SART1: variants seen among roughly 807,000 people sequenced by gnomAD.
SART1 encodes U4/U6.U5 tri-snRNP-associated protein 1.
In SART1, 28 loss-of-function variants were observed where a neutral mutation model predicts 105.0. The ratio of observed to expected loss-of-function variants is 0.27; its 90% confidence interval spans 0.20 to 0.37. The LOEUF (loss-of-function observed/expected upper bound fraction) is 0.37. Among genes scored for constraint, SART1 ranks in the 10% least tolerant of loss-of-function variants. The probability of loss-of-function intolerance (pLI) is 1.00; values close to 1 mark genes in which losing one functional copy is unlikely to be tolerated. For synonymous variants in SART1, 472 were observed against 462.9 expected, an observed-to-expected ratio of 1.02 and a Z score of -0.25; for missense variants, 894 against 1,106.5, an observed-to-expected ratio of 0.81 and a Z score of 2.72.
Position 65,978,049 on chromosome 11 carries a change from G to A in SART1, c.2172+150G>A, listed in dbSNP as rs1285157220. On this transcript the variant is annotated intron_variant, in intron 17 of 19. Transcript: ENST00000312397. The surrounding 1 kb of genome is among the most constrained non-coding windows in gnomAD (Gnocchi z 6.8). ...CTGGTGAATGCCACGGATGGGGAGG[G>A]GGCCCTCAGGGCTGAGGAAGGCTGT... 1.3e-5 allele frequency: 10 copies of A among 779,014 alleles called. No individual in the cohort carries two copies. The highest frequency in any genetic ancestry group is 4.1e-6 in the Non-Finnish European group (2 of 492,500). 48.3% of individuals were successfully genotyped at this position (779,014 alleles called of 1,614,324 possible). A position where few individuals can be genotyped will look rare whatever the true frequency, so the allele number is the denominator to read the frequency against.
In SART1 at chr11:65,967,498, G is replaced by A; in HGVS notation, c.1341G>A (p.Val447=). The part of the protein sequence containing the change: ...SRLRGRGRRR[V]SEVEEEKEPV... ...TGCGGGGACGGGGTCGCCGCCGAGT[G>A]TCCGAAGTGGAGGAGGAGAAGGAGC... The change falls in exon 11 of 20, where the codon GTG becomes GTA. Residue 447 remains valine, a synonymous_variant. Coordinates refer to ENST00000312397, the MANE Select transcript of SART1 (RefSeq NM_005146.5). The A allele has an allele frequency of 6.2e-7, 1 of 1,613,232 alleles. No individual in the cohort carries two copies. The highest frequency in any genetic ancestry group is 8.5e-7 in the Non-Finnish European group (1 of 1,179,956).
At chr11:65,975,917 A>G (rs974794148) in intron 12 of SART1, among the ~76,000 whole-genome samples, 2 of 152,000 alleles carry the variant, frequency 1.3e-5, no homozygotes, top group South Asian at 2.1e-4. Context: ...TTCTCTTCCC[A>G]TGTCACGGAA....
chr11:65,966,098 C>T lies in SART1; in HGVS notation c.861C>T (p.Asp287=), dbSNP rs373665639. ...CAGGCGTGCTGCAGGAGGAGGAGGA[C>T]GTGCTGGTGAACGTGAACCTGGTGG... ...KDKGVLQEEE[D]VLVNVNLVDK... Residue 287 remains aspartate (D), a synonymous_variant, in exon 8 of 20, where the codon GAC becomes GAT. Coordinates refer to ENST00000312397, the MANE Select transcript of SART1 (RefSeq NM_005146.5). The T allele has an allele frequency of 4.3e-4, 686 of 1,613,918 alleles. No homozygotes were observed. The highest frequency in any genetic ancestry group is 5.2e-4 in the Non-Finnish European group (610 of 1,179,982).
At position 65,976,629 on chromosome 11, in the gene SART1, G is replaced by A. The variant is rs746488637; in HGVS notation, c.1747-27G>A. 3.2e-5 allele frequency: 51 copies of A among 1,613,264 alleles called. No homozygotes were observed. Among genetic ancestry groups the A allele is most frequent in the Non-Finnish European group, 4.3e-5 (51 of 1,179,794 alleles). ...GGCTGGGTGGGCTGGCTGGGGCCTGGGCCGACCCTGGTCTTTTGTGCCCCA... is the reference window on the plus strand; with the variant it reads ...GGCTGGGTGGGCTGGCTGGGGCCTGAGCCGACCCTGGTCTTTTGTGCCCCA... On this transcript the variant is annotated intron_variant, in intron 13 of 19. Coordinates refer to ENST00000312397, the MANE Select transcript of SART1 (RefSeq NM_005146.5). The surrounding 1 kb of genome is among the most constrained non-coding windows in gnomAD (Gnocchi z 5.1).
At position 65,966,071 on chromosome 11, in the gene SART1, C is replaced by T. The variant is rs772487038; in HGVS notation, c.839-5C>T. ...TGAATGGCCACTGCTCTGTGCTGCCCCCAGGCGTGCTGCAGGAGGAGGAGG... is the reference window on the plus strand; with the variant it reads ...TGAATGGCCACTGCTCTGTGCTGCCTCCAGGCGTGCTGCAGGAGGAGGAGG... On this transcript the variant is annotated splice_region_variant and splice_polypyrimidine_tract_variant and intron_variant, in intron 7 of 19. Coordinates refer to ENST00000312397, the MANE Select transcript of SART1 (RefSeq NM_005146.5). 3 of 1,613,836 alleles carry T rather than the reference C, an allele frequency of 1.9e-6. No individual in the cohort carries two copies. The highest frequency in any genetic ancestry group is 1.7e-5 in the Admixed American group (1 of 60,002).
Position 65,979,993 on chromosome 11 carries a change from G to A in SART1, c.*963G>A, listed in dbSNP as rs1272359062. 6.6e-6 allele frequency among the ~76,000 whole-genome samples: 1 copy of A among 152,030 alleles called. No homozygotes were observed. The highest frequency in any genetic ancestry group is 2.4e-5 in the African/African-American group (1 of 41,392). ...CCAGGCGTGGTGGTGAGCGCCTGTAGTCCCAGCTACTTGGGATGCTGAGGT... is the reference window on the plus strand; with the variant it reads ...CCAGGCGTGGTGGTGAGCGCCTGTAATCCCAGCTACTTGGGATGCTGAGGT... On this transcript the variant is annotated 3_prime_UTR_variant, in exon 20 of 20. Coordinates refer to ENST00000312397, the MANE Select transcript of SART1 (RefSeq NM_005146.5).
At position 65,964,120 on chromosome 11, in the gene SART1, C is replaced by G. The variant is rs61746328; in HGVS notation, c.360C>G (p.Ile120Met). Reference sequence around the variant, plus strand: ...CAGGCGATGCCTCCTCACTCAGCATCGAGGAGACTAAGTGAGTACTGTCTC... The same window carrying G: ...CAGGCGATGCCTCCTCACTCAGCATGGAGGAGACTAAGTGAGTACTGTCTC... ...TSSGDASSLS[I>M]EETNKLRAKL... The change falls in exon 2 of 20, where the codon ATC (isoleucine) becomes ATG (methionine). Residue 120 changes from isoleucine (I) to methionine (M), a missense_variant. Transcript: ENST00000312397. 1.8e-4 allele frequency: 287 copies of G among 1,612,946 alleles called. No homozygotes were observed. The highest frequency in any genetic ancestry group is 3.5e-5 in the Non-Finnish European group (41 of 1,179,918).
At chr11:65,966,299 T>G in intron 8 of SART1, 51 bp from the exon 9 acceptor site, 2 of 1,613,774 alleles carry the variant, frequency 1.2e-6, no homozygotes, top group South Asian at 2.2e-5. Context: ...GGTGGCTCAG[T>G]GGCTTTTCAG....
At position 65,977,845 on chromosome 11, in the gene SART1, C is replaced by T. The variant is rs768170253; in HGVS notation, c.2118C>T (p.Pro706=). Residue 706 remains proline, a synonymous_variant, in exon 17 of 20, where the codon CCC becomes CCT. Transcript: ENST00000312397. ...TCAAGGAGAAGGACGGCTACAAACC[C>T]GACGTTAAGATCGAATACGTGGATG... ...QDFKEKDGYK[P]DVKIEYVDET... 19 of 1,613,926 alleles carry T rather than the reference C, an allele frequency of 1.2e-5. No individual in the cohort carries two copies. The highest frequency in any genetic ancestry group is 4.5e-5 in the East Asian group (2 of 44,790).
Position 65,976,573 on chromosome 11 carries a change from G to C in SART1, c.1746+5G>C, listed in dbSNP as rs372244872. 19 of 1,613,136 alleles carry C rather than the reference G, an allele frequency of 1.2e-5. 1 individual carries two copies. In the South Asian group the frequency reaches 2.0e-4, roughly 17 times the overall value. On this transcript the variant is annotated splice_donor_5th_base_variant and intron_variant, in intron 13 of 19. Transcript: ENST00000312397. This position sits in a 1 kb window ranked among gnomAD's most constrained non-coding sequence, Gnocchi z 5.1. ...GAGGAGCAGGAGGAGCTCATGGTGCGTCTGGGGCGGCCCCGCCCTCTGCTT... is the reference window on the plus strand; with the variant it reads ...GAGGAGCAGGAGGAGCTCATGGTGCCTCTGGGGCGGCCCCGCCCTCTGCTT...
intron 12 of SART1, among the ~76,000 whole-genome samples, chr11:65,969,347 G>A (rs1211251461): frequency 6.6e-6 from 1 of 152,196 alleles, no homozygotes; most frequent in African/African-American, 2.4e-5. Flanking sequence ...CAGAGAAATG[G>A]AGCAATAGGC....
chr11:65,964,612 A>G (rs748925795), intron 3 of SART1, 42 bp downstream of exon 3: 3 of 1,573,082 alleles, frequency 1.9e-6, no homozygotes, highest in African/African-American at 1.4e-5. Context: ...GAAAGAGGCC[A>G]TCTGAAGGGG....
chr11:65,968,737 G>A (rs147646312), intron 12 of SART1, among the ~76,000 whole-genome samples: 1 of 152,168 alleles, frequency 6.6e-6, no homozygotes, highest in Admixed American at 6.5e-5. Flanking sequence ...GTGCCTGAGG[G>A]CCAGGGAGGC....
chr11:65,965,232 G>T lies in SART1; in HGVS notation c.554+14G>T. On this transcript the variant is annotated intron_variant, in intron 4 of 19. Transcript: ENST00000312397. ...CCAAAAGCTGGGGTGAGGGGTCCTGGCCAGGGCAGGCAAGGGAAGGGCTGG... is the reference window on the plus strand; with the variant it reads ...CCAAAAGCTGGGGTGAGGGGTCCTGTCCAGGGCAGGCAAGGGAAGGGCTGG... 1 of 1,609,058 alleles carries T rather than the reference G, an allele frequency of 6.2e-7. No individual in the cohort carries two copies.
At chr11:65,972,999 T>C (rs1252397470) in intron 12 of SART1, among the ~76,000 whole-genome samples, 5 of 151,754 alleles carry the variant, frequency 3.3e-5, no homozygotes, top group African/African-American at 1.2e-4. Flanking sequence ...TGAAACCCTG[T>C]CTCTACTAAA....
chr11:65,973,820 CAG>C (rs890100922), intron 12 of SART1, among the ~76,000 whole-genome samples: 10 of 152,194 alleles, frequency 6.6e-5, no homozygotes, highest in Non-Finnish European at 7.3e-5. Flanking sequence ...GGGTTACTCT[CAG>C]GGGCACAGAT....
chr11:65,965,678 A>G (rs767157332), intron 5 of SART1, 24 bp from the exon 6 acceptor site: 2 of 1,608,736 alleles, frequency 1.2e-6, no homozygotes, highest in Non-Finnish European at 1.7e-6. Context: ...CTGAAGTCCT[A>G]GGTCACCCCT....
rs1855491489 is a variant in SART1, at chr11:65,976,849, GCCT to G, written c.1857+88_1857+90del. The G allele has an allele frequency of 4.7e-6, 6 of 1,273,532 alleles. No homozygotes were observed. In the African/African-American group the frequency reaches 5.9e-5, roughly 13 times the overall value. 78.9% of individuals were successfully genotyped at this position (1,273,532 alleles called of 1,614,324 possible). A position where few individuals can be genotyped will look rare whatever the true frequency, so the allele number is the denominator to read the frequency against. On this transcript the variant is annotated intron_variant, in intron 14 of 19. Transcript: ENST00000312397. The surrounding 1 kb of genome is among the most constrained non-coding windows in gnomAD (Gnocchi z 5.1). ...ACCGGGCTCGGTGTCCAGAGCCTCA[GCCT>G]CCTCATCCAGAGTGGGCTCTGCAGA...
At chr11:65,967,114 C>G (rs1855275286) in intron 9 of SART1, 145 bp from the exon 10 acceptor site, 8 of 1,197,984 alleles carry the variant, frequency 6.7e-6, no homozygotes, top group Non-Finnish European at 9.3e-6. Flanking sequence ...GAGATAGTAA[C>G]CACCCCACAT....
Sources: allele counts gnomAD v4.1 joint callset (sites outside exome capture counted in the v4.1 genomes callset), GRCh38; gene constraint gnomAD v4.1.1; non-coding constraint Gnocchi (gnomAD v3.1); transcripts MANE v1.5; gene names NCBI Gene and HGNC (gene_info 2026-07-23, HGNC 2026-07-21).